Variants in PKN2 observed in about 807,000 individuals in gnomAD.
The protein encoded by PKN2 is protein kinase N2.
PKN2 carries 38 observed loss-of-function variants against 119.1 expected under a neutral mutation model. The ratio of observed to expected loss-of-function variants is 0.32; its 90% CI spans 0.25 to 0.42. The LOEUF is 0.42. Ranked by LOEUF, PKN2 falls within the 10% of genes least tolerant of loss-of-function variation. The pLI is 1.00. For synonymous variants in PKN2, 390 were observed against 384.9 expected, an observed-to-expected ratio of 1.01 and a Z score of -0.15; for missense variants, 850 against 1,165.1, an observed-to-expected ratio of 0.73 and a Z score of 3.94.
intron 1 of PKN2, among the ~76,000 whole-genome samples, chr1:88,687,387 CAT>C (rs1325094038): frequency 3.3e-5 from 5 of 152,130 alleles, no homozygotes; most frequent in African/African-American, 1.2e-4. Context: ...ATTTTTATCT[CAT>C]AACTAATTTG....
At chr1:88,816,198 CA>C (rs1671984380) in intron 16 of PKN2, among the ~76,000 whole-genome samples, 1 of 152,088 alleles carries the variant, frequency 6.6e-6, no homozygotes, top group Admixed American at 6.6e-5. Flanking sequence ...TGTTTTGCCA[CA>C]AAAATAAGTT....
chr1:88,768,995 C>CA (rs759009013), intron 3 of PKN2, among the ~76,000 whole-genome samples: 1,780 of 152,194 alleles, frequency 0.012, 25 homozygotes, highest in Non-Finnish European at 0.014. Context: ...ACAAACAGCT[C>CA]AACAACCAGC....
Position 88,770,245 on chromosome 1 carries a change from ACT to A in PKN2, c.505-104_505-103del, listed in dbSNP as rs1182699231. On this transcript the variant is annotated intron_variant, in intron 3 of 21. Transcript: ENST00000370521. ...CTATAGCGCCAACAGCATTCTTTTA[ACT>A]CTGTTTTTCACTTGCTGATATATCA... 1.2e-4 allele frequency: 78 copies of A among 630,476 alleles called. 1 individual carries two copies. In the South Asian group the frequency reaches 1.4e-3, roughly 12 times the overall value. The allele number at this position is 630,476 out of a possible 1,614,324, so 39.1% of individuals were successfully genotyped here.
intron 1 of PKN2, among the ~76,000 whole-genome samples, chr1:88,703,777 A>G (rs1666863727): frequency 6.6e-6 from 1 of 152,006 alleles, no homozygotes; most frequent in African/African-American, 2.4e-5. Context: ...GCTTAATCTC[A>G]TTTTACAGGT....
intron 1 of PKN2, among the ~76,000 whole-genome samples, chr1:88,701,310 G>A (rs1275097049): frequency 2.0e-5 from 3 of 152,150 alleles, no homozygotes; most frequent in Admixed American, 1.3e-4. Flanking sequence ...CTGGCATGGA[G>A]GCAGGTGCCT....
intron 15 of PKN2, among the ~76,000 whole-genome samples, chr1:88,808,721 A>G (rs1359079934): frequency 6.6e-6 from 1 of 152,232 alleles, no homozygotes; most frequent in Non-Finnish European, 1.5e-5. Context: ...ATTATTGTAT[A>G]AAAATGGCAT....
At chr1:88,822,060 G>C in intron 17 of PKN2, 57 bp downstream of exon 17, 1 of 1,357,886 alleles carries the variant, frequency 7.4e-7, no homozygotes, top group Non-Finnish European at 9.7e-7. Flanking sequence ...TAGAATTAAA[G>C]ATAGTATTTT....
At chr1:88,727,555 G>A (rs1027687296) in intron 1 of PKN2, among the ~76,000 whole-genome samples, 10 of 152,140 alleles carry the variant, frequency 6.6e-5, no homozygotes, top group African/African-American at 2.4e-4. Context: ...GTGATTATTG[G>A]TATGTGAGGG....
chr1:88,786,025 A>G (rs765066427), intron 7 of PKN2, 79 bp from the exon 8 acceptor site: 2 of 790,892 alleles, frequency 2.5e-6, no homozygotes, highest in Non-Finnish European at 4.3e-6. Flanking sequence ...TAAGACTTTT[A>G]TTGCTAATCA....
At chr1:88,686,706 A>G (rs111440145) in intron 1 of PKN2, among the ~76,000 whole-genome samples, 1,528 of 152,250 alleles carry the variant, frequency 0.01, 21 homozygotes, top group African/African-American at 0.035. Flanking sequence ...ATCAACACTT[A>G]AAGATAAATA....
chr1:88,712,580 A>G (rs1176977453), intron 1 of PKN2, among the ~76,000 whole-genome samples: 5 of 152,172 alleles, frequency 3.3e-5, no homozygotes, highest in Non-Finnish European at 7.3e-5. Context: ...GTAATGATGT[A>G]TGTGATTCTT....
chr1:88,748,415 A>G (rs971198833), intron 2 of PKN2, among the ~76,000 whole-genome samples: 6 of 152,180 alleles, frequency 3.9e-5, no homozygotes, highest in African/African-American at 1.4e-4. Flanking sequence ...TGTTGTGTGT[A>G]TCAGTAGTTC....
At chr1:88,716,390 G>T (rs1334507949) in intron 1 of PKN2, among the ~76,000 whole-genome samples, 2 of 152,092 alleles carry the variant, frequency 1.3e-5, no homozygotes, top group Non-Finnish European at 2.9e-5. Context: ...GTTGACACTG[G>T]GGTGTTAAAG....
At chr1:88,713,043 C>A (rs911183371) in intron 1 of PKN2, among the ~76,000 whole-genome samples, 1 of 151,944 alleles carries the variant, frequency 6.6e-6, no homozygotes, top group African/African-American at 2.4e-5. Flanking sequence ...TCTGTCCTTG[C>A]GATAGTTTGC....
intron 18 of PKN2, among the ~76,000 whole-genome samples, chr1:88,826,199 C>A (rs1265458955): frequency 6.6e-6 from 1 of 152,148 alleles, no homozygotes; most frequent in East Asian, 1.9e-4. Context: ...TTTTTATGTT[C>A]CCGCTACTTG....
At chr1:88,797,053 G>A (rs948044899) in intron 8 of PKN2, among the ~76,000 whole-genome samples, 5 of 152,024 alleles carry the variant, frequency 3.3e-5, no homozygotes, top group African/African-American at 1.2e-4. Context: ...AAATGTCAGG[G>A]CCAGGCACAG....
chr1:88,770,191 T>C (rs1669827101), intron 3 of PKN2, among the ~76,000 whole-genome samples, 161 bp from the exon 4 acceptor site: 1 of 152,250 alleles, frequency 6.6e-6, no homozygotes, highest in Admixed American at 6.5e-5. Context: ...TTGATGGCTC[T>C]TTTTTAGTAA....
At chr1:88,727,154 T>G (rs1334436186) in intron 1 of PKN2, among the ~76,000 whole-genome samples, 1 of 152,050 alleles carries the variant, frequency 6.6e-6, no homozygotes, top group Non-Finnish European at 1.5e-5. Flanking sequence ...GATAGACTTT[T>G]TTATCATTTT....
At chr1:88,688,515 T>C (rs938133430) in intron 1 of PKN2, among the ~76,000 whole-genome samples, 2 of 152,342 alleles carry the variant, frequency 1.3e-5, no homozygotes, top group Non-Finnish European at 1.5e-5. Context: ...TTACACTACT[T>C]GTTAGCTCCG....
Sources: gnomAD v4.1 joint callset for allele counts (sites outside exome capture counted in the v4.1 genomes callset) on GRCh38, gnomAD v4.1.1 for gene constraint, MANE v1.5 for transcripts, NCBI Gene and HGNC (gene_info 2026-07-23, HGNC 2026-07-21) for gene names.